The following ZNF804A variants were observed in gnomAD, a reference collection of about 807,000 sequenced individuals.
The protein encoded by ZNF804A is zinc finger protein 804A.
Under a neutral mutation model 16.5 loss-of-function variants are expected in ZNF804A, and 2 were observed. The observed-to-expected ratio is 0.12, with a 90% CI of 0.05 to 0.38. The LOEUF is 0.38. Among genes scored for constraint, ZNF804A ranks in the 10% least tolerant of loss-of-function variants. The probability of loss-of-function intolerance (pLI) is 0.99; values close to 1 mark genes in which losing one functional copy is unlikely to be tolerated. For missense variants in ZNF804A, 1,473 were observed against 1,390.7 expected (o/e 1.06, Z -0.94); for synonymous variants, 534 against 489.6 (o/e 1.09, Z -1.20).
intron 2 of ZNF804A, among the ~76,000 whole-genome samples, chr2:184,886,899 C>G (rs556914794): frequency 6.6e-6 from 1 of 152,320 alleles, no homozygotes; most frequent in East Asian, 1.9e-4. Context: ...TCTGACATGG[C>G]CTGGAGATAT....
At chr2:184,862,158 A>T (rs1695810908) in intron 1 of ZNF804A, among the ~76,000 whole-genome samples, 1 of 152,102 alleles carries the variant, frequency 6.6e-6, no homozygotes, top group African/African-American at 2.4e-5. Context: ...CTCCTTTTTC[A>T]TCTCACTCAA....
At chr2:184,810,785 T>C (rs1234570047) in intron 1 of ZNF804A, among the ~76,000 whole-genome samples, 3 of 152,148 alleles carry the variant, frequency 2.0e-5, no homozygotes, top group African/African-American at 7.2e-5. Context: ...CCACCGCGCC[T>C]GGCCGAAACA....
chr2:184,604,749 G>T (rs1322929878), intron 1 of ZNF804A, among the ~76,000 whole-genome samples: 1 of 152,092 alleles, frequency 6.6e-6, no homozygotes, highest in Non-Finnish European at 1.5e-5. Flanking sequence ...TGCTTAGTTC[G>T]AGGACCGAAG....
At chr2:184,628,572 C>T (rs1030908314) in intron 1 of ZNF804A, among the ~76,000 whole-genome samples, 1 of 151,954 alleles carries the variant, frequency 6.6e-6, no homozygotes, top group South Asian at 2.1e-4. Flanking sequence ...AATTCTTACT[C>T]AAAATTAAAT....
intron 1 of ZNF804A, among the ~76,000 whole-genome samples, chr2:184,669,396 A>G (rs1385893935): frequency 1.3e-5 from 2 of 152,130 alleles, no homozygotes; most frequent in East Asian, 1.9e-4. Flanking sequence ...ATCGTATCTT[A>G]TAAGCCGTAG....
At chr2:184,813,087 G>A (rs148099261) in intron 1 of ZNF804A, among the ~76,000 whole-genome samples, 11 of 152,060 alleles carry the variant, frequency 7.2e-5, no homozygotes, top group Non-Finnish European at 1.3e-4. Context: ...TCTGAGAGTC[G>A]GCTTTGAGTG....
chr2:184,805,356 A>G, intron 1 of ZNF804A, among the ~76,000 whole-genome samples: 1 of 152,036 alleles, frequency 6.6e-6, no homozygotes, highest in East Asian at 1.9e-4. Flanking sequence ...TACAAATGAT[A>G]TAATGTCTTA....
intron 1 of ZNF804A, among the ~76,000 whole-genome samples, chr2:184,860,386 C>A (rs1214152303): frequency 6.6e-6 from 1 of 152,200 alleles, no homozygotes. Flanking sequence ...GGCATTAGGG[C>A]AGACTTGAAG....
At chr2:184,685,636 T>C (rs953325005) in intron 1 of ZNF804A, among the ~76,000 whole-genome samples, 5 of 152,132 alleles carry the variant, frequency 3.3e-5, no homozygotes, top group African/African-American at 1.2e-4. Flanking sequence ...TGTGTGAGTC[T>C]GGAGTTTCTA....
At chr2:184,803,954 C>T (rs1392838391) in intron 1 of ZNF804A, among the ~76,000 whole-genome samples, 1 of 152,082 alleles carries the variant, frequency 6.6e-6, no homozygotes, top group African/African-American at 2.4e-5. Context: ...CCTCCGCCTC[C>T]CGGGTTCAAG....
intron 1 of ZNF804A, among the ~76,000 whole-genome samples, chr2:184,800,732 T>C (rs1694711454): frequency 6.6e-6 from 1 of 152,040 alleles, no homozygotes; most frequent in Non-Finnish European, 1.5e-5. Flanking sequence ...GTAGTGTTGA[T>C]ACTTTATAAA....
intron 1 of ZNF804A, among the ~76,000 whole-genome samples, chr2:184,682,328 G>C (rs1692556151): frequency 6.6e-6 from 1 of 152,142 alleles, no homozygotes. Context: ...TTATGGTTGA[G>C]TATTGATAAT....
chr2:184,919,172 A>G (rs28738072), intron 2 of ZNF804A, among the ~76,000 whole-genome samples: 6,603 of 152,292 alleles, frequency 0.043, 465 homozygotes, highest in African/African-American at 0.15. Flanking sequence ...AGAATCATTG[A>G]GTGCAGGGAG....
intron 2 of ZNF804A, among the ~76,000 whole-genome samples, chr2:184,882,064 C>T (rs1684816960): frequency 6.6e-6 from 1 of 151,946 alleles, no homozygotes; most frequent in Admixed American, 6.6e-5. Context: ...TGCACTGACA[C>T]ACATACACTC....
At chr2:184,685,434 CT>C (rs1692612940) in intron 1 of ZNF804A, among the ~76,000 whole-genome samples, 1 of 152,066 alleles carries the variant, frequency 6.6e-6, no homozygotes, top group African/African-American at 2.4e-5. Flanking sequence ...TGTTTCAGCT[CT>C]GTTTGTGTTA....
chr2:184,752,859 A>T (rs1463582498), intron 1 of ZNF804A, among the ~76,000 whole-genome samples: 1 of 151,710 alleles, frequency 6.6e-6, no homozygotes, highest in African/African-American at 2.4e-5. Context: ...CGGGCACATT[A>T]AAAGGTGCTC....
intron 2 of ZNF804A, among the ~76,000 whole-genome samples, chr2:184,905,891 T>C (rs1041469453): frequency 6.6e-6 from 1 of 152,188 alleles, no homozygotes; most frequent in African/African-American, 2.4e-5. Flanking sequence ...ATCATTTGTG[T>C]ACTTGGTGAT....
intron 2 of ZNF804A, among the ~76,000 whole-genome samples, chr2:184,878,150 A>G (rs1684740243): frequency 6.6e-6 from 1 of 152,132 alleles, no homozygotes; most frequent in African/African-American, 2.4e-5. Flanking sequence ...TAAATTTTCC[A>G]TTAATGTTGC....
chr2:184,685,143 T>C (rs559998288), intron 1 of ZNF804A, among the ~76,000 whole-genome samples: 40 of 152,188 alleles, frequency 2.6e-4, no homozygotes, highest in Non-Finnish European at 7.4e-5. Context: ...CGCTGGCTGC[T>C]ATGTGGGGGC....
Sources: gnomAD v4.1 joint callset for allele counts (sites outside exome capture counted in the v4.1 genomes callset) on GRCh38, gnomAD v4.1.1 for gene constraint, MANE v1.5 for transcripts, NCBI Gene and HGNC (gene_info 2026-07-23, HGNC 2026-07-21) for gene names.